The following DDX39A variants were observed in gnomAD, a reference collection of about 807,000 sequenced individuals.
DDX39A encodes the protein DExD-box helicase 39A.
Under a neutral mutation model 46.3 loss-of-function variants are expected in DDX39A, and 13 were observed. That is an observed-to-expected ratio of 0.28 (90% CI 0.18 to 0.45). The LOEUF is 0.45. Among genes scored for constraint, DDX39A ranks in the 20% least tolerant of loss-of-function variants. The pLI, the probability that DDX39A is intolerant of heterozygous loss-of-function variation, is 1.00. For synonymous variants in DDX39A, 234 were observed against 224.6 expected (o/e 1.04, Z -0.38); for missense variants, 352 against 581.8 (o/e 0.61, Z 4.06).
At position 14,411,475 on chromosome 19, in the gene DDX39A, C is replaced by T. The variant is rs371633217; in HGVS notation, c.429+31G>A. 2.5e-5 allele frequency: 40 copies of T among 1,588,604 alleles called. No homozygotes were observed. Among genetic ancestry groups the T allele is most frequent in the Admixed American group, 3.3e-5 (2 of 59,848 alleles). The stretch of plus-strand genomic sequence containing the variant: ...TAACAAAGCTGCAGAAACCAAGTGG[C>T]GCCTGGTCCAGTCTGGCCCGAGGGA... On this transcript the variant is annotated intron_variant, in intron 4 of 10. Transcript: ENST00000242776. The surrounding 1 kb of genome is among the most constrained non-coding windows in gnomAD (Gnocchi z 4.1).
intron 1 of DDX39A, chr19:14,415,985 G>A (rs1976795624): frequency 6.3e-6 from 1 of 158,466 alleles, no homozygotes; most frequent in African/African-American, 2.4e-5. Flanking sequence ...AGAATCACTT[G>A]AACCTAGGAG....
Position 14,413,216 on chromosome 19 carries a change from G to A in DDX39A, c.5C>T (p.Ala2Val), listed in dbSNP as rs938759560. The A allele has an allele frequency of 5.6e-6, 9 of 1,613,600 alleles. No individual in the cohort carries two copies. The African/African-American group carries it at 9.3e-5, about 17-fold the overall frequency. ...AAGATCGTTTTCCACATCCTGTTCTGCCATGATGCTGAGAAGAGAGAGAGG... is the reference window on the plus strand; with the variant it reads ...AAGATCGTTTTCCACATCCTGTTCTACCATGATGCTGAGAAGAGAGAGAGG... M[A>V]EQDVENDLLD... Residue 2 changes from alanine (A) to valine (V), a missense_variant, in exon 2 of 11, where the codon GCA becomes GTA. Coordinates refer to ENST00000242776, the MANE Select transcript of DDX39A (RefSeq NM_005804.4).
intron 1 of DDX39A, among the ~76,000 whole-genome samples, chr19:14,413,717 C>G (rs1452873258): frequency 6.6e-6 from 1 of 152,348 alleles, no homozygotes; most frequent in Non-Finnish European, 1.5e-5. Flanking sequence ...AGAGAAGCCC[C>G]CTCCCTATCA....
chr19:14,418,260 G>C (rs1224609589), intron 1 of DDX39A, among the ~76,000 whole-genome samples: 1 of 152,038 alleles, frequency 6.6e-6, no homozygotes, highest in Admixed American at 6.6e-5. Context: ...AAAGGATCCG[G>C]CGGGGTTTTC....
intron 1 of DDX39A, among the ~76,000 whole-genome samples, chr19:14,418,672 G>C (rs932899675): frequency 6.6e-6 from 1 of 151,942 alleles, no homozygotes; most frequent in African/African-American, 2.4e-5. Context: ...ATGTTGGCCA[G>C]GCTGGTCTCG....
Position 14,411,634 on chromosome 19 carries a change from G to T in DDX39A, c.337-36C>A. 2 of 1,587,574 alleles carry T rather than the reference G, an allele frequency of 1.3e-6. No individual in the cohort carries two copies. The highest frequency in any genetic ancestry group is 1.7e-6 in the Non-Finnish European group (2 of 1,157,230). On this transcript the variant is annotated intron_variant, in intron 3 of 10. Transcript: ENST00000242776. The surrounding 1 kb of genome is among the most constrained non-coding windows in gnomAD (Gnocchi z 4.1). ...GCATAAGAAGAGGGCCTTACCTTAGGCAGTGTCCTAAACCCCTTCCCCACC... is the reference window on the plus strand; with the variant it reads ...GCATAAGAAGAGGGCCTTACCTTAGTCAGTGTCCTAAACCCCTTCCCCACC...
rs1382781974 is a variant in DDX39A at position 14,412,065 on chromosome 19, G to A, written c.337-467C>T. On this transcript the variant is annotated intron_variant, in intron 3 of 10. Coordinates refer to ENST00000242776, the MANE Select transcript of DDX39A (RefSeq NM_005804.4). This position sits in a 1 kb window ranked among gnomAD's most constrained non-coding sequence, Gnocchi z 4.4. ...GCGCCAATATGAAGCCCAAAGATGT[G>A]CACCTGGCCTGACTCGGGAGCAAGA... 1.3e-5 allele frequency among the ~76,000 whole-genome samples: 2 copies of A among 152,130 alleles called. No individual in the cohort carries two copies. Among genetic ancestry groups the A allele is most frequent in the Non-Finnish European group, 2.9e-5 (2 of 68,032 alleles).
At position 14,410,001 on chromosome 19, in the gene DDX39A, T is replaced by A; in HGVS notation, c.733-128A>T. ...GAGGACCTGCTGCACCAGACCTCAGTAAACATCGCTCAAAAGCTGGATGTA... is the reference window on the plus strand; with the variant it reads ...GAGGACCTGCTGCACCAGACCTCAGAAAACATCGCTCAAAAGCTGGATGTA... On this transcript the variant is annotated intron_variant, in intron 6 of 10. Transcript: ENST00000242776. This position sits in a 1 kb window ranked among gnomAD's most constrained non-coding sequence, Gnocchi z 4.3. 7.9e-7 allele frequency: 1 copy of A among 1,261,836 alleles called. No individual in the cohort carries two copies. Among genetic ancestry groups the A allele is most frequent in the Non-Finnish European group, 1.1e-6 (1 of 872,812 alleles). 78.2% of individuals were successfully genotyped at this position (1,261,836 alleles called of 1,614,324 possible).
At chr19:14,417,550 G>A (rs1480479130) in intron 1 of DDX39A, among the ~76,000 whole-genome samples, 1 of 151,838 alleles carries the variant, frequency 6.6e-6, no homozygotes, top group Non-Finnish European at 1.5e-5. Flanking sequence ...CGAGTTAACG[G>A]GTCCAGCACA....
chr19:14,412,241 G>C lies in DDX39A; in HGVS notation c.336+310C>G. 1 of 335,730 alleles carries C rather than the reference G, an allele frequency of 3.0e-6. No homozygotes were observed. The highest frequency in any genetic ancestry group is 2.1e-5 in the African/African-American group (1 of 47,360). The allele number at this position is 335,730 out of a possible 1,614,324, so 20.8% of individuals were successfully genotyped here. A position where few individuals can be genotyped will look rare whatever the true frequency, so the allele number is the denominator to read the frequency against. On this transcript the variant is annotated intron_variant, in intron 3 of 10. Coordinates refer to ENST00000242776, the MANE Select transcript of DDX39A (RefSeq NM_005804.4). The surrounding 1 kb of genome is among the most constrained non-coding windows in gnomAD (Gnocchi z 4.4). ...GGACACTCTCTAGGTAAGTGGCACG[G>C]CAAAACAGCAACGATGCCTCTGGGG...
At chr19:14,419,375 G>A (rs1001533104), upstream of DDX39A, 2 of 210,656 alleles carry the variant, frequency 9.5e-6, no homozygotes, top group South Asian at 4.8e-5. Flanking sequence ...CTTGCGTCGG[G>A]CTGCTGCTCT....
In DDX39A at chr19:14,410,300, C is replaced by T. The variant is rs778385579; in HGVS notation, c.648G>A (p.Leu216=). Reference sequence around the variant, plus strand: ...TCATGCACTGCTTCTCGTGTGGTGTCAGGCGGAAGATCTCCTGCACATCCC... The same window carrying T: ...TCATGCACTGCTTCTCGTGTGGTGTTAGGCGGAAGATCTCCTGCACATCCC... ...MRRDVQEIFR[L]TPHEKQCMMF... is the part of the protein sequence containing the mutation. The change falls in exon 6 of 11, where the codon CTG becomes CTA. Residue 216 remains leucine, a synonymous_variant. Coordinates refer to ENST00000242776, the MANE Select transcript of DDX39A (RefSeq NM_005804.4). This position sits in a 1 kb window ranked among gnomAD's most constrained non-coding sequence, Gnocchi z 4.3. 6.2e-7 allele frequency: 1 copy of T among 1,614,162 alleles called. No homozygotes were observed. The highest frequency in any genetic ancestry group is 8.5e-7 in the Non-Finnish European group (1 of 1,180,012).
Position 14,411,158 on chromosome 19 carries a change from G to T in DDX39A, c.444C>A (p.Phe148Leu). ...CATCCTTCTTGATGGAGAGACCACC[G>T]AAGAACACAGACACCTATGGGGATG... ...YMPSVKVSVF[F>L]GGLSIKKDEE... The change falls in exon 5 of 11, where the codon TTC becomes TTA. Residue 148 changes from phenylalanine (F) to leucine (L), a missense_variant. Physicochemically the swap from Phe to Leu is conservative, Grantham distance 22. This residue lies in a region of DDX39A where 301 missense variants were observed against 469.9 expected (regional missense o/e 0.64). Transcript: ENST00000242776. The surrounding 1 kb of genome is among the most constrained non-coding windows in gnomAD (Gnocchi z 4.1). 1 of 1,584,388 alleles carries T rather than the reference G, an allele frequency of 6.3e-7. No individual in the cohort carries two copies.
intron 1 of DDX39A, among the ~76,000 whole-genome samples, chr19:14,417,940 G>A (rs1190880117): frequency 2.0e-5 from 3 of 151,890 alleles, no homozygotes; most frequent in Non-Finnish European, 4.4e-5. Flanking sequence ...GAGGCGAAGC[G>A]GGCGGATCAC....
At chr19:14,414,923 C>T (rs1393142310) in intron 1 of DDX39A, among the ~76,000 whole-genome samples, 2 of 143,008 alleles carry the variant, frequency 1.4e-5, no homozygotes, top group African/African-American at 5.3e-5. Context: ...TGAAATCACG[C>T]TTCACTCCAG....
At chr19:14,413,622 G>A (rs1354842672) in intron 1 of DDX39A, among the ~76,000 whole-genome samples, 1 of 152,160 alleles carries the variant, frequency 6.6e-6, no homozygotes, top group Non-Finnish European at 1.5e-5. Flanking sequence ...CGCCAGGAAT[G>A]CTCTGCCCCC....
chr19:14,417,420 A>C (rs1359138268), intron 1 of DDX39A, among the ~76,000 whole-genome samples: 1 of 147,070 alleles, frequency 6.8e-6, no homozygotes, highest in Non-Finnish European at 1.5e-5. Context: ...CAGGAGTTCG[A>C]GACCAACCTG....
intron 1 of DDX39A, among the ~76,000 whole-genome samples, chr19:14,413,760 C>T (rs952639232): frequency 1.3e-5 from 2 of 152,212 alleles, no homozygotes; most frequent in African/African-American, 4.8e-5. Flanking sequence ...TTTCATGGGG[C>T]AGGAGCCCAA....
rs1324793902 is a variant in DDX39A, at chr19:14,412,820, G to T, written c.209-142C>A. 16 of 1,315,104 alleles carry T rather than the reference G, an allele frequency of 1.2e-5. No homozygotes were observed. In the East Asian group the frequency reaches 3.9e-4, roughly 32 times the overall value. 81.5% of individuals were successfully genotyped at this position (1,315,104 alleles called of 1,614,324 possible). The stretch of plus-strand genomic sequence containing the variant: ...GGCCACAGACACCTGCAGGGCTGGG[G>T]TATCCGCCTGGTCAAAGCAGAACGC... On this transcript the variant is annotated intron_variant, in intron 2 of 10. Transcript: ENST00000242776. This position sits in a 1 kb window ranked among gnomAD's most constrained non-coding sequence, Gnocchi z 4.4.
Sources: allele counts gnomAD v4.1 joint callset (sites outside exome capture counted in the v4.1 genomes callset), GRCh38; gene constraint gnomAD v4.1.1; regional missense constraint gnomAD v4.1.1; non-coding constraint Gnocchi (gnomAD v3.1); transcripts MANE v1.5; gene names NCBI Gene and HGNC (gene_info 2026-07-23, HGNC 2026-07-21).